Variants in CFAP54 observed in about 807,000 individuals in gnomAD.
The protein encoded by CFAP54 is cilia- and flagella-associated protein 54.
A neutral mutation model predicts 370.4 loss-of-function variants in CFAP54; 290 were observed. That is an observed-to-expected ratio of 0.78 (90% CI 0.71 to 0.86). The LOEUF (loss-of-function observed/expected upper bound fraction) is 0.86. Among genes scored for constraint, CFAP54 ranks in the 40% least tolerant of loss-of-function variants. CFAP54 has a pLI of 0.00. For missense variants in CFAP54, 3,399 were observed against 3,528.7 expected, an observed-to-expected ratio of 0.96 and a Z score of 0.93; for synonymous variants, 1,206 against 1,236.5, an observed-to-expected ratio of 0.98 and a Z score of 0.52.
intron 63 of CFAP54, among the ~76,000 whole-genome samples, chr12:96,799,312 C>G (rs1481178122): frequency 6.6e-6 from 1 of 152,220 alleles, no homozygotes; most frequent in African/African-American, 2.4e-5. Flanking sequence ...AGAAGAGCCT[C>G]AGGCTTTTTC....
At chr12:96,525,976 A>G (rs1344599047) in intron 8 of CFAP54, among the ~76,000 whole-genome samples, 1 of 152,170 alleles carries the variant, frequency 6.6e-6, no homozygotes, top group East Asian at 1.9e-4. Context: ...GAGCCGCCGC[A>G]CCCAGCCCCT....
At chr12:96,656,596 G>T (rs1169954861) in intron 36 of CFAP54, among the ~76,000 whole-genome samples, 1 of 152,202 alleles carries the variant, frequency 6.6e-6, no homozygotes, top group East Asian at 1.9e-4. Flanking sequence ...GGTCAGGCTG[G>T]TCTCAAACTC....
Position 96,644,229 on chromosome 12 carries a change from C to A in CFAP54, c.4368C>A (p.Tyr1456Ter). The A allele has an allele frequency of 6.5e-7, 1 of 1,535,912 alleles. No homozygotes were observed. The highest frequency in any genetic ancestry group is 8.7e-7 in the Non-Finnish European group (1 of 1,146,754). The stretch of plus-strand genomic sequence containing the variant: ...CAGCACAACGATACCTGATGGATTA[C>A]TTGAATCCTCTAATATTAAGTTATG... ...RKAAQRYLMD[Y>*]LNPLILSYVK... The change falls in exon 33 of 68, where the codon TAC (tyrosine) becomes TAA (stop). Residue 1456 changes from tyrosine (Y) to a stop codon, truncating the protein, a stop_gained. Coordinates refer to ENST00000524981, the MANE Select transcript of CFAP54 (RefSeq NM_001306084.2). LOFTEE classifies it high-confidence loss of function.
intron 43 of CFAP54, among the ~76,000 whole-genome samples, chr12:96,689,727 T>G (rs1251180965): frequency 1.3e-5 from 2 of 152,164 alleles, no homozygotes; most frequent in African/African-American, 4.8e-5. Flanking sequence ...TCTCAGAATT[T>G]TGGTTTGCCT....
chr12:96,516,873 A>G (rs181000647), intron 5 of CFAP54, among the ~76,000 whole-genome samples: 1 of 152,202 alleles, frequency 6.6e-6, no homozygotes, highest in African/African-American at 2.4e-5. Flanking sequence ...GTAAGCTGAT[A>G]TAAATGAGGC....
At chr12:96,700,505 C>T (rs374253899) in intron 46 of CFAP54, among the ~76,000 whole-genome samples, 23 of 152,090 alleles carry the variant, frequency 1.5e-4, no homozygotes, top group African/African-American at 5.1e-4. Context: ...TACTTTATAC[C>T]AAAGTTTTAA....
At chr12:96,644,548 G>A (rs751851968) in intron 33 of CFAP54, 140 bp downstream of exon 33, 1 of 615,604 alleles carries the variant, frequency 1.6e-6, no homozygotes, top group Non-Finnish European at 2.8e-6. Flanking sequence ...CTATTAGTCT[G>A]TTCTCACACT....
chr12:96,683,026 T>C (rs1171226709), intron 40 of CFAP54, among the ~76,000 whole-genome samples: 1 of 152,238 alleles, frequency 6.6e-6, no homozygotes, highest in Non-Finnish European at 1.5e-5. Context: ...ACCCATACGA[T>C]AGACCCAATG....
chr12:96,663,640 T>C (rs1335758294), intron 38 of CFAP54, among the ~76,000 whole-genome samples, 190 bp from the exon 39 acceptor site: 1 of 152,208 alleles, frequency 6.6e-6, no homozygotes, highest in Non-Finnish European at 1.5e-5. Context: ...AAAAGAAATA[T>C]GAAAAATTAT....
intron 47 of CFAP54, among the ~76,000 whole-genome samples, chr12:96,707,151 G>A (rs948922443): frequency 1.3e-5 from 2 of 152,180 alleles, no homozygotes; most frequent in African/African-American, 4.8e-5. Context: ...CTAAGGGAGT[G>A]TGGTGGCCTG....
intron 4 of CFAP54, 124 bp downstream of exon 4, chr12:96,507,223 T>C (rs7316807): frequency 0.11 from 87,285 of 762,488 alleles, 5,686 homozygotes; most frequent in Middle Eastern, 0.14. Flanking sequence ...GATGAATATA[T>C]TTTTTTCAAC....
At chr12:96,645,267 C>A in intron 33 of CFAP54, 3 of 412,022 alleles carry the variant, frequency 7.3e-6, no homozygotes, top group Admixed American at 2.7e-5. Flanking sequence ...GATACAAAAT[C>A]AATGAGCAAA....
chr12:96,594,120 A>G (rs1032424918), intron 24 of CFAP54, among the ~76,000 whole-genome samples, 171 bp from the exon 25 acceptor site: 24 of 152,172 alleles, frequency 1.6e-4, no homozygotes, highest in African/African-American at 5.1e-4. Flanking sequence ...CGTGCTATCT[A>G]TAGGTAGCAT....
At chr12:96,816,255 G>T (rs756311842) in intron 64 of CFAP54, among the ~76,000 whole-genome samples, 3 of 152,054 alleles carry the variant, frequency 2.0e-5, no homozygotes, top group Non-Finnish European at 4.4e-5. Flanking sequence ...GTGGTTTGTA[G>T]TTCTCCTTGA....
At chr12:96,792,844 A>G (rs1400656448) in intron 63 of CFAP54, among the ~76,000 whole-genome samples, 1 of 151,880 alleles carries the variant, frequency 6.6e-6, no homozygotes, top group Non-Finnish European at 1.5e-5. Flanking sequence ...ATTTTACTGT[A>G]TCTATTAAGA....
At chr12:96,666,582 T>C (rs890853544) in intron 39 of CFAP54, among the ~76,000 whole-genome samples, 14 of 152,208 alleles carry the variant, frequency 9.2e-5, no homozygotes, top group Admixed American at 2.0e-4. Context: ...GCAGGGGAAC[T>C]GCCCTTTATA....
chr12:96,732,806 C>G (rs1333746629), intron 50 of CFAP54, among the ~76,000 whole-genome samples: 2 of 151,818 alleles, frequency 1.3e-5, no homozygotes, highest in African/African-American at 2.4e-5. Context: ...ACCATTTCCT[C>G]CATTGGAGTT....
intron 66 of CFAP54, among the ~76,000 whole-genome samples, chr12:96,845,975 T>C (rs1343626783): frequency 6.6e-6 from 1 of 152,208 alleles, no homozygotes; most frequent in Non-Finnish European, 1.5e-5. Context: ...TTCAGTCACA[T>C]TCTCTTTTGA....
At chr12:96,865,211 A>G (rs1959971641) in intron 67 of CFAP54, among the ~76,000 whole-genome samples, 1 of 152,218 alleles carries the variant, frequency 6.6e-6, no homozygotes, top group South Asian at 2.1e-4. Context: ...TGGAATGGAT[A>G]AAGAAATAGT....
Sources: gnomAD v4.1 joint callset for allele counts (sites outside exome capture counted in the v4.1 genomes callset) on GRCh38, gnomAD v4.1.1 for gene constraint, MANE v1.5 for transcripts, NCBI Gene and HGNC (gene_info 2026-07-23, HGNC 2026-07-21) for gene names.